LUZP2: variants seen among roughly 807,000 people sequenced by gnomAD.
The protein encoded by LUZP2 is leucine zipper protein 2.
LUZP2 carries 52 observed loss-of-function variants against 51.6 expected under a neutral mutation model. The ratio of observed to expected loss-of-function variants is 1.01; its 90% CI spans 0.81 to 1.27. The LOEUF (loss-of-function observed/expected upper bound fraction) is 1.27, where lower values mean the gene tolerates loss of function less well. Among genes scored for constraint, LUZP2 ranks in the 50% most tolerant of loss-of-function variants. The pLI, the probability that LUZP2 is intolerant of heterozygous loss-of-function variation, is 0.00. For missense variants in LUZP2, 436 were observed against 395.4 expected (o/e 1.10, Z -0.87); for synonymous variants, 154 against 137.3 (o/e 1.12, Z -0.85).
At chr11:24,543,434 T>C (rs1851440632) in intron 1 of LUZP2, among the ~76,000 whole-genome samples, 2 of 152,080 alleles carry the variant, frequency 1.3e-5, no homozygotes, top group South Asian at 2.1e-4. Context: ...TCTCAGACTA[T>C]GTGCATTATC....
intron 1 of LUZP2, among the ~76,000 whole-genome samples, chr11:24,595,483 A>G (rs1853411545): frequency 6.6e-6 from 1 of 152,212 alleles, no homozygotes. Flanking sequence ...ATGAGAAATC[A>G]GGACTGGATG....
intron 2 of LUZP2, among the ~76,000 whole-genome samples, chr11:24,731,392 T>A (rs1858708508): frequency 6.6e-6 from 1 of 151,724 alleles, no homozygotes; most frequent in African/African-American, 2.4e-5. Context: ...GAATGACCGG[T>A]TACCCTATTA....
chr11:24,866,704 A>G (rs1483650246), intron 5 of LUZP2, among the ~76,000 whole-genome samples: 4 of 152,236 alleles, frequency 2.6e-5, no homozygotes, highest in Non-Finnish European at 5.9e-5. Flanking sequence ...AGTAGGTAAC[A>G]TGATAAACTT....
intron 1 of LUZP2, among the ~76,000 whole-genome samples, chr11:24,728,740 A>C (rs1858589559): frequency 6.6e-6 from 1 of 152,008 alleles, no homozygotes; most frequent in Non-Finnish European, 1.5e-5. Context: ...CACTTTTTGA[A>C]AAATTCAACA....
intron 5 of LUZP2, among the ~76,000 whole-genome samples, chr11:24,799,237 A>G (rs1288801602): frequency 2.0e-5 from 3 of 152,202 alleles, no homozygotes; most frequent in Non-Finnish European, 4.4e-5. Flanking sequence ...GGAAAGTATT[A>G]CCTTAATATA....
intron 7 of LUZP2, among the ~76,000 whole-genome samples, chr11:24,971,746 G>T (rs1590790223): frequency 6.6e-6 from 1 of 152,180 alleles, no homozygotes; most frequent in South Asian, 2.1e-4. Context: ...GATGGTATCT[G>T]CAAGTCCTTT....
intron 4 of LUZP2, among the ~76,000 whole-genome samples, chr11:24,742,366 G>A (rs2133991952): frequency 6.6e-6 from 1 of 151,906 alleles, no homozygotes; most frequent in Non-Finnish European, 1.5e-5. Context: ...AACATCTACA[G>A]TTTATCGATT....
At chr11:24,833,335 G>A (rs1850754214) in intron 5 of LUZP2, among the ~76,000 whole-genome samples, 1 of 152,102 alleles carries the variant, frequency 6.6e-6, no homozygotes, top group Admixed American at 6.6e-5. Context: ...AAACAACTGG[G>A]ATTGCTAAAA....
At chr11:25,018,717 C>T (rs1275179443) in intron 9 of LUZP2, among the ~76,000 whole-genome samples, 1 of 150,258 alleles carries the variant, frequency 6.7e-6, no homozygotes, top group Non-Finnish European at 1.5e-5. Context: ...AAGTGATTCT[C>T]ATGCCTCAGC....
chr11:24,572,315 C>T (rs565668730), intron 1 of LUZP2, among the ~76,000 whole-genome samples: 3 of 151,716 alleles, frequency 2.0e-5, no homozygotes, highest in Non-Finnish European at 4.4e-5. Context: ...TAGACTTTAC[C>T]AACCTTCTTA....
intron 1 of LUZP2, among the ~76,000 whole-genome samples, chr11:24,672,581 A>T (rs2134004548): frequency 6.6e-6 from 1 of 152,314 alleles, no homozygotes; most frequent in South Asian, 2.1e-4. Context: ...TAAAAATAAA[A>T]AACTACTGTC....
chr11:25,053,045 T>C (rs1562259), intron 10 of LUZP2, among the ~76,000 whole-genome samples: 55,674 of 151,940 alleles, frequency 0.37, 12,489 homozygotes, highest in East Asian at 0.78. Flanking sequence ...AACCACTGAA[T>C]CAGCAAATTT....
chr11:24,770,894 C>T (rs1860388973), intron 5 of LUZP2, among the ~76,000 whole-genome samples: 1 of 152,306 alleles, frequency 6.6e-6, no homozygotes, highest in South Asian at 2.1e-4. Flanking sequence ...GAAAGCACTA[C>T]CTCCGCCTGA....
intron 5 of LUZP2, among the ~76,000 whole-genome samples, chr11:24,877,966 C>T (rs938026077): frequency 2.6e-5 from 4 of 152,112 alleles, no homozygotes; most frequent in Non-Finnish European, 4.4e-5. Context: ...AAACAGTACT[C>T]CATTGTGTAT....
chr11:24,745,420 A>G (rs144312928), intron 4 of LUZP2, among the ~76,000 whole-genome samples: 2,350 of 152,082 alleles, frequency 0.015, 65 homozygotes, highest in African/African-American at 0.05. Context: ...TAGGATTGTG[A>G]TATTTTCTTG....
At chr11:24,961,265 G>T (rs910487155) in intron 7 of LUZP2, among the ~76,000 whole-genome samples, 2 of 152,206 alleles carry the variant, frequency 1.3e-5, no homozygotes, top group South Asian at 2.1e-4. Context: ...TATTAGGTCC[G>T]CTTGGTGCAG....
intron 4 of LUZP2, among the ~76,000 whole-genome samples, chr11:24,761,403 C>A (rs1053662969): frequency 1.4e-4 from 21 of 152,120 alleles, no homozygotes; most frequent in African/African-American, 4.8e-4. Context: ...CAATCACCTG[C>A]CACCAGGTCC....
intron 7 of LUZP2, 30 bp downstream of exon 7, chr11:24,914,568 A>C (rs1853738791): frequency 1.4e-6 from 2 of 1,458,874 alleles, no homozygotes; most frequent in African/African-American, 1.4e-5. Flanking sequence ...TTTCCCTGAA[A>C]CTTGCTAGCT....
At chr11:24,889,489 A>G (rs1852779000) in intron 5 of LUZP2, among the ~76,000 whole-genome samples, 1 of 152,190 alleles carries the variant, frequency 6.6e-6, no homozygotes, top group Non-Finnish European at 1.5e-5. Context: ...TCAAATGATA[A>G]TTGTTTCAGA....
Sources: gnomAD v4.1 joint callset for allele counts (sites outside exome capture counted in the v4.1 genomes callset) on GRCh38, gnomAD v4.1.1 for gene constraint, MANE v1.5 for transcripts, NCBI Gene and HGNC (gene_info 2026-07-23, HGNC 2026-07-21) for gene names.